The following RCBTB2 variants were observed in gnomAD, a reference collection of about 807,000 sequenced individuals.
The protein encoded by RCBTB2 is RCC1 and BTB domain containing protein 2, also known as RCC1 and BTB domain-containing protein 2.
RCBTB2 carries 55 observed loss-of-function variants against 65.4 expected under a neutral mutation model. That is an observed-to-expected ratio of 0.84 (90% CI 0.68 to 1.05). The LOEUF is 1.05. Ranked by LOEUF, RCBTB2 falls within the 50% of genes least tolerant of loss-of-function variation. RCBTB2 has a pLI of 0.00. For synonymous variants in RCBTB2, 220 were observed against 255.2 expected, an observed-to-expected ratio of 0.86 and a Z score of 1.31; for missense variants, 599 against 680.1, an observed-to-expected ratio of 0.88 and a Z score of 1.33.
intron 7 of RCBTB2, 144 bp from the exon 8 acceptor site, chr13:48,512,318 T>C: frequency 3.0e-6 from 2 of 674,052 alleles, no homozygotes; most frequent in East Asian, 2.7e-5. Flanking sequence ...AGAGAAGTGT[T>C]TATAAAATGC....
At chr13:48,521,564 A>ATC (rs1354292527) in intron 4 of RCBTB2, among the ~76,000 whole-genome samples, 3 of 152,216 alleles carry the variant, frequency 2.0e-5, no homozygotes, top group African/African-American at 7.2e-5. Flanking sequence ...AATTTTAAAA[A>ATC]TCTCTGGGAA....
At chr13:48,521,232 T>C (rs1035203976) in intron 4 of RCBTB2, among the ~76,000 whole-genome samples, 3 of 152,206 alleles carry the variant, frequency 2.0e-5, no homozygotes, top group African/African-American at 7.2e-5. Flanking sequence ...TACAGTTTAG[T>C]TTCAAAAGCT....
chr13:48,518,028 A>G (rs1951191329), intron 4 of RCBTB2, among the ~76,000 whole-genome samples: 1 of 152,208 alleles, frequency 6.6e-6, no homozygotes, highest in Admixed American at 6.5e-5. Context: ...GAAGTCAAGG[A>G]GCAGCAAGGA....
At chr13:48,527,035 A>C (rs999250174) in intron 1 of RCBTB2, among the ~76,000 whole-genome samples, 12 of 151,996 alleles carry the variant, frequency 7.9e-5, no homozygotes, top group African/African-American at 2.9e-4. Context: ...AAAAATGTTT[A>C]ATATCAGTGT....
chr13:48,510,513 G>A, intron 10 of RCBTB2, 116 bp downstream of exon 10: 1 of 1,220,926 alleles, frequency 8.2e-7, no homozygotes, highest in Non-Finnish European at 1.1e-6. Context: ...AAATACTCTT[G>A]TTAAATAATA....
At position 48,505,032 on chromosome 13, in the gene RCBTB2, T is replaced by A. The variant is rs1041828964; in HGVS notation, c.927-2118A>T. 5.9e-5 allele frequency among the ~76,000 whole-genome samples: 9 copies of A among 151,814 alleles called. No homozygotes were observed. In the East Asian group the frequency reaches 1.7e-3, roughly 29 times the overall value. On this transcript the variant is annotated intron_variant, in intron 10 of 14. Transcript: ENST00000344532. ...CTCAGGATTTGGAGTCAAACCTAGG[T>A]TTGTTTTTTATTTCTTTCTTTTTTT...
rs779905601 is a variant in RCBTB2, at chr13:48,496,218, G to C, written c.1488C>G (p.Leu496=). The change falls in exon 14 of 15, where the codon CTC becomes CTG. Residue 496 remains leucine (L), a synonymous_variant. Transcript: ENST00000344532. ...GTGCATCATACTTCACCGCAGCCGA[G>C]AGCAGAGCGATGGCATTCTCCTCGC... ...GICEENAIAL[L]SAAVKYDAQD... The C allele has an allele frequency of 6.4e-7, 1 of 1,572,838 alleles. No individual in the cohort carries two copies.
Position 48,512,265 on chromosome 13 carries a change from C to T in RCBTB2, c.517-91G>A, listed in dbSNP as rs767174027. ...CATGTACTTGTGGCACCGAGTCTTTCCTCTCAAAGTGCTTCACATTCATAA... is the reference window on the plus strand; with the variant it reads ...CATGTACTTGTGGCACCGAGTCTTTTCTCTCAAAGTGCTTCACATTCATAA... On this transcript the variant is annotated intron_variant, in intron 7 of 14. Coordinates refer to ENST00000344532, the MANE Select transcript of RCBTB2 (RefSeq NM_001268.4). 3 of 1,120,054 alleles carry T rather than the reference C, an allele frequency of 2.7e-6. No individual in the cohort carries two copies. The East Asian group carries it at 7.2e-5, about 27-fold the overall frequency. 69.4% of individuals were successfully genotyped at this position (1,120,054 alleles called of 1,614,324 possible).
intron 1 of RCBTB2, among the ~76,000 whole-genome samples, chr13:48,530,068 G>C (rs548384290): frequency 1.3e-5 from 2 of 149,802 alleles, no homozygotes; most frequent in Admixed American, 1.3e-4. Context: ...TTTTTTTTTT[G>C]TTCGTTTTTC....
intron 13 of RCBTB2, among the ~76,000 whole-genome samples, chr13:48,498,559 C>T (rs1950079348): frequency 6.6e-6 from 1 of 152,060 alleles, no homozygotes; most frequent in Non-Finnish European, 1.5e-5. Flanking sequence ...GGAGAAACCT[C>T]GTTTCTACTA....
chr13:48,519,851 T>G (rs1432781977), intron 4 of RCBTB2, among the ~76,000 whole-genome samples: 4 of 152,220 alleles, frequency 2.6e-5, no homozygotes, highest in Non-Finnish European at 5.9e-5. Context: ...TGACTAAATT[T>G]ATAAAATGCA....
intron 1 of RCBTB2, among the ~76,000 whole-genome samples, chr13:48,527,369 G>GATATATATTTATATATGAT (rs1951849153): frequency 1.9e-4 from 19 of 99,848 alleles, no homozygotes; most frequent in South Asian, 2.9e-4. Context: ...ATTTATATAT[G>GATATATATTTATATATGAT]ATATATATAT....
intron 1 of RCBTB2, among the ~76,000 whole-genome samples, chr13:48,525,375 T>G (rs1445170776): frequency 6.0e-4 from 1 of 1,656 alleles, no homozygotes; most frequent in Non-Finnish European, 1.2e-3. Context: ...GGATTCATGA[T>G]ATATATATAT....
At chr13:48,515,465 A>G in intron 5 of RCBTB2, 110 bp from the exon 6 acceptor site, 3 of 1,375,374 alleles carry the variant, frequency 2.2e-6, no homozygotes, top group Non-Finnish European at 3.0e-6. Flanking sequence ...TATATAATAA[A>G]TAAAACCTAA....
Position 48,512,004 on chromosome 13 carries a change from T to C in RCBTB2, c.675+12A>G. Reference sequence around the variant, plus strand: ...CACGGTTTTTAAACAAGATGTAAAATAACTTCCTTACCTCCCCCGTGTCTA... The same window carrying C: ...CACGGTTTTTAAACAAGATGTAAAACAACTTCCTTACCTCCCCCGTGTCTA... On this transcript the variant is annotated intron_variant, in intron 8 of 14. Coordinates refer to ENST00000344532, the MANE Select transcript of RCBTB2 (RefSeq NM_001268.4). The C allele has an allele frequency of 6.2e-7, 1 of 1,611,514 alleles. No individual in the cohort carries two copies.
chr13:48,501,523 C>T (rs1455450684), intron 12 of RCBTB2, among the ~76,000 whole-genome samples: 3 of 152,168 alleles, frequency 2.0e-5, no homozygotes, highest in African/African-American at 7.2e-5. Flanking sequence ...CGCCACTTTT[C>T]AAGCCTAAGG....
At chr13:48,525,517 T>A (rs991447331) in intron 1 of RCBTB2, among the ~76,000 whole-genome samples, 7 of 151,062 alleles carry the variant, frequency 4.6e-5, no homozygotes, top group Admixed American at 4.6e-4. Context: ...TACTTTATGC[T>A]ATTTTATTCT....
chr13:48,521,808 G>A, intron 4 of RCBTB2, 90 bp downstream of exon 4: 1 of 1,183,478 alleles, frequency 8.4e-7, no homozygotes, highest in Non-Finnish European at 1.3e-6. Flanking sequence ...GTATCTCATT[G>A]ATTTTCCTAT....
At position 48,496,210 on chromosome 13, in the gene RCBTB2, G is replaced by A. The variant is rs750003950; in HGVS notation, c.1496C>T (p.Ala499Val). Residue 499 changes from alanine to valine, a missense_variant, in exon 14 of 15, where the codon GCG becomes GTG. Transcript: ENST00000344532. ...EENAIALLSA[A>V]VKYDAQDLEE... Reference sequence around the variant, plus strand: ...CCTTACCTGTGCATCATACTTCACCGCAGCCGAGAGCAGAGCGATGGCATT... The same window carrying A: ...CCTTACCTGTGCATCATACTTCACCACAGCCGAGAGCAGAGCGATGGCATT... The A allele has an allele frequency of 9.8e-6, 15 of 1,536,004 alleles. No homozygotes were observed. The highest frequency in any genetic ancestry group is 1.2e-5 in the South Asian group (1 of 81,350).
Sources: gnomAD v4.1 joint callset for allele counts (sites outside exome capture counted in the v4.1 genomes callset) on GRCh38, gnomAD v4.1.1 for gene constraint, MANE v1.5 for transcripts, NCBI Gene and HGNC (gene_info 2026-07-23, HGNC 2026-07-21) for gene names.